ABCG2: variants seen among roughly 807,000 people sequenced by gnomAD.
ABCG2 encodes ATP binding cassette subfamily G member 2 (JR blood group), also known as broad substrate specificity ATP-binding cassette transporter ABCG2.
Under a neutral mutation model 73.5 loss-of-function variants are expected in ABCG2, and 80 were observed. The ratio of observed to expected loss-of-function variants is 1.09; its 90% confidence interval spans 0.91 to 1.31. ABCG2 has a LOEUF of 1.31. Ranked by LOEUF, ABCG2 falls within the 50% of genes most tolerant of loss-of-function variation. ABCG2 has a pLI of 0.00. For missense variants in ABCG2, 796 were observed against 786.2 expected (o/e 1.01, Z -0.15); for synonymous variants, 269 against 282.4 (o/e 0.95, Z 0.48).
rs1274428653 is a variant in ABCG2, at chr4:88,099,390, A to G, written c.1426T>C (p.Ser476Pro). Residue 476 changes from serine (S) to proline (P), a missense_variant, in exon 12 of 16, where the codon TCT becomes CCT. Transcript: ENST00000237612. Reference sequence around the variant, plus strand: ...AACATCCTCATGGGTAATAAATCAGATAACAGTTTTCCAAGGAAATAAGAT... The same window carrying G: ...AACATCCTCATGGGTAATAAATCAGGTAACAGTTTTCCAAGGAAATAAGAT... ...VSSYFLGKLL[S>P]DLLPMRMLPS... 1.4e-5 allele frequency: 22 copies of G among 1,612,416 alleles called. No homozygotes were observed. Among genetic ancestry groups the G allele is most frequent in the Non-Finnish European group, 1.8e-5 (21 of 1,179,118 alleles).
chr4:88,225,207 T>C (rs373600451), intron 1 of ABCG2, among the ~76,000 whole-genome samples: 5 of 152,312 alleles, frequency 3.3e-5, no homozygotes, highest in South Asian at 2.1e-4. Flanking sequence ...TCACAGGCTG[T>C]ATTGTATGGG....
In ABCG2 at chr4:88,114,994, G is replaced by T. The variant is rs1416318403; in HGVS notation, c.906C>A (p.Ser302=). 2.5e-6 allele frequency: 4 copies of T among 1,612,214 alleles called. No homozygotes were observed. The African/African-American group carries it at 5.4e-5, about 22-fold the overall frequency. The change falls in exon 8 of 16, where the codon TCC becomes TCA. Residue 302 remains serine (S), a synonymous_variant. Transcript: ENST00000237612. The part of the protein sequence containing the change: ...DFFLDIINGD[S]TAVALNREED... ...CTTCTCTGTTTAATGCCACAGCAGT[G>T]GAATCTCCATTAATGATGTCCAAGA... is the stretch of plus-strand genomic sequence containing the variant.
intron 1 of ABCG2, among the ~76,000 whole-genome samples, chr4:88,148,252 T>A (rs1726186115): frequency 6.6e-6 from 1 of 152,030 alleles, no homozygotes; most frequent in Non-Finnish European, 1.5e-5. Context: ...GATTTGGGTA[T>A]ATGCACCCAA....
At chr4:88,118,409 G>T in intron 6 of ABCG2, 149 bp from the exon 7 acceptor site, 1 of 788,796 alleles carries the variant, frequency 1.3e-6, no homozygotes, top group Non-Finnish European at 1.9e-6. Context: ...TTTAGCTATA[G>T]TTAGCAAACC....
chr4:88,167,759 C>G (rs1231528125), intron 1 of ABCG2, among the ~76,000 whole-genome samples: 1 of 152,090 alleles, frequency 6.6e-6, no homozygotes, highest in Non-Finnish European at 1.5e-5. Context: ...TGACTTAGGA[C>G]TTTAGTTATA....
chr4:88,144,152 T>C (rs1156567400), intron 1 of ABCG2, among the ~76,000 whole-genome samples: 1 of 152,196 alleles, frequency 6.6e-6, no homozygotes, highest in Non-Finnish European at 1.5e-5. Flanking sequence ...TATTTGCAGA[T>C]TACCTGCTAA....
At chr4:88,113,103 T>A (rs1723251871) in intron 9 of ABCG2, among the ~76,000 whole-genome samples, 200 bp downstream of exon 9, 1 of 152,258 alleles carries the variant, frequency 6.6e-6, no homozygotes, top group South Asian at 2.1e-4. Context: ...AGAGTGAGAC[T>A]CTGTCTCAAA....
intron 7 of ABCG2, 125 bp downstream of exon 7, chr4:88,117,984 T>G: frequency 1.1e-6 from 1 of 918,962 alleles, no homozygotes; most frequent in Non-Finnish European, 1.6e-6. Context: ...ACAAACACAT[T>G]TTGAAGTGAT....
At chr4:88,176,158 T>TCA (rs1560738245) in intron 1 of ABCG2, among the ~76,000 whole-genome samples, 15 of 88,268 alleles carry the variant, frequency 1.7e-4, no homozygotes, top group Middle Eastern at 5.2e-3. Context: ...ATTATTCTTG[T>TCA]TTTTTTTTTC....
intron 6 of ABCG2, among the ~76,000 whole-genome samples, chr4:88,120,534 C>T (rs192967780): frequency 5.9e-5 from 9 of 152,276 alleles, no homozygotes; most frequent in East Asian, 1.9e-4. Context: ...GTGACTTGGA[C>T]GTGAGATATG....
chr4:88,106,489 G>A (rs760645503), intron 10 of ABCG2, among the ~76,000 whole-genome samples: 1 of 152,196 alleles, frequency 6.6e-6, no homozygotes, highest in Non-Finnish European at 1.5e-5. Context: ...AAGACAACAT[G>A]CTAAAGGAAA....
chr4:88,111,178 A>G (rs1003338847), intron 9 of ABCG2, among the ~76,000 whole-genome samples: 2 of 152,244 alleles, frequency 1.3e-5, no homozygotes, highest in African/African-American at 4.8e-5. Flanking sequence ...TTTTGAAGCA[A>G]GATAATTCAA....
intron 1 of ABCG2, chr4:88,226,879 A>C (rs1164517625): frequency 6.6e-6 from 1 of 152,356 alleles, no homozygotes; most frequent in African/African-American, 2.4e-5. Flanking sequence ...TGGGAGACTG[A>C]GGTGGGAGAA....
chr4:88,141,329 G>A (rs1263598179), intron 1 of ABCG2, among the ~76,000 whole-genome samples: 1 of 152,148 alleles, frequency 6.6e-6, no homozygotes, highest in Non-Finnish European at 1.5e-5. Context: ...CTCTTAAGGT[G>A]GGTATTTGCA....
intron 11 of ABCG2, among the ~76,000 whole-genome samples, chr4:88,099,993 C>T (rs1722281616): frequency 6.6e-6 from 1 of 152,102 alleles, no homozygotes; most frequent in Non-Finnish European, 1.5e-5. Context: ...TCCAGCCATA[C>T]ATCCCTGTCA....
At chr4:88,145,832 C>T (rs984488287) in intron 1 of ABCG2, among the ~76,000 whole-genome samples, 3 of 114,326 alleles carry the variant, frequency 2.6e-5, no homozygotes, top group Admixed American at 1.9e-4. Flanking sequence ...CCCAGCTACT[C>T]GGGACGGCAG....
chr4:88,112,156 G>C (rs1482120451), intron 9 of ABCG2, among the ~76,000 whole-genome samples: 1 of 151,560 alleles, frequency 6.6e-6, no homozygotes, highest in Non-Finnish European at 1.5e-5. Flanking sequence ...AACTATCACA[G>C]AGCCAACCAA....
At chr4:88,208,592 G>A (rs1729467208) in intron 1 of ABCG2, among the ~76,000 whole-genome samples, 1 of 152,220 alleles carries the variant, frequency 6.6e-6, no homozygotes, top group Admixed American at 6.5e-5. Flanking sequence ...TGGGGACACT[G>A]TGAAGCAACT....
intron 1 of ABCG2, among the ~76,000 whole-genome samples, chr4:88,154,342 TAG>T (rs1726770714): frequency 2.0e-5 from 3 of 152,180 alleles, no homozygotes; most frequent in Admixed American, 2.0e-4. Context: ...GACCCTTGTG[TAG>T]TGAGGAAACC....
Sources: gnomAD v4.1 joint callset for allele counts (sites outside exome capture counted in the v4.1 genomes callset) on GRCh38, gnomAD v4.1.1 for gene constraint, MANE v1.5 for transcripts, NCBI Gene and HGNC (gene_info 2026-07-23, HGNC 2026-07-21) for gene names.